Variants in TGFB2 observed in about 807,000 individuals in gnomAD.
The protein encoded by TGFB2 is transforming growth factor beta 2.
In TGFB2, 13 loss-of-function variants were observed where a neutral mutation model predicts 42.7. The ratio of observed to expected loss-of-function variants is 0.30; its 90% CI spans 0.20 to 0.48. TGFB2 has a LOEUF of 0.48. TGFB2 is among the 20% of genes least tolerant of loss of function. The pLI, the probability that TGFB2 is intolerant of heterozygous loss-of-function variation, is 0.99. For missense variants in TGFB2, 390 were observed against 517.5 expected (o/e 0.75, Z 2.39); for synonymous variants, 193 against 193.6 (o/e 1.00, Z 0.03).
At chr1:218,375,023 C>A (rs1657694036) in intron 1 of TGFB2, among the ~76,000 whole-genome samples, 1 of 152,128 alleles carries the variant, frequency 6.6e-6, no homozygotes, top group South Asian at 2.1e-4. Flanking sequence ...AGCCTTTAAA[C>A]AGTTCAAAAA....
chr1:218,417,028 G>A (rs1053562646), intron 2 of TGFB2, among the ~76,000 whole-genome samples: 5 of 152,144 alleles, frequency 3.3e-5, no homozygotes, highest in South Asian at 2.1e-4. Flanking sequence ...GCAGCAGTGC[G>A]AAAATGGACT....
chr1:218,355,190 G>C (rs1656994207), intron 1 of TGFB2, among the ~76,000 whole-genome samples: 1 of 152,124 alleles, frequency 6.6e-6, no homozygotes, highest in Non-Finnish European at 1.5e-5. Context: ...CCGAGCCACC[G>C]TGCCCAGCCT....
chr1:218,386,354 T>C (rs920578421), intron 1 of TGFB2, among the ~76,000 whole-genome samples: 2 of 152,232 alleles, frequency 1.3e-5, no homozygotes, highest in South Asian at 2.1e-4. Context: ...ATCAATAAGA[T>C]AGCATTTATA....
At position 218,434,073 on chromosome 1, in the gene TGFB2, C is replaced by T. The variant is rs1309139149; in HGVS notation, c.511-9C>T. 1 of 1,611,624 alleles carries T rather than the reference C, an allele frequency of 6.2e-7. No individual in the cohort carries two copies. The highest frequency in any genetic ancestry group is 8.5e-7 in the Non-Finnish European group (1 of 1,178,528). On this transcript the variant is annotated splice_polypyrimidine_tract_variant and intron_variant, in intron 2 of 6. Coordinates refer to ENST00000366930, the MANE Select transcript of TGFB2 (RefSeq NM_003238.6). ...CTCAGCCTTTTCTCTTGCTCTTTTT[C>T]CCCTCCAGATTCTCAAGTCCAAAGA...
At chr1:218,417,668 C>T (rs1659325677) in intron 2 of TGFB2, among the ~76,000 whole-genome samples, 1 of 152,214 alleles carries the variant, frequency 6.6e-6, no homozygotes, top group African/African-American at 2.4e-5. Context: ...CAGCCCCTCC[C>T]ATCATAGGCC....
intron 1 of TGFB2, among the ~76,000 whole-genome samples, chr1:218,393,790 C>T (rs1033211864): frequency 1.3e-5 from 2 of 152,096 alleles, no homozygotes; most frequent in African/African-American, 2.4e-5. Flanking sequence ...CCACCTGCCC[C>T]GATGAGGCCA....
intron 5 of TGFB2, 130 bp downstream of exon 5, chr1:218,436,277 C>A (rs550795031): frequency 3.6e-6 from 3 of 833,120 alleles, no homozygotes; most frequent in Non-Finnish European, 5.5e-6. Flanking sequence ...AGTACAGCTC[C>A]TGTGTCTCAT....
chr1:218,390,172 G>A (rs573460044), intron 1 of TGFB2, among the ~76,000 whole-genome samples: 2 of 147,466 alleles, frequency 1.4e-5, no homozygotes, highest in Non-Finnish European at 3.0e-5. Flanking sequence ...CTAACTAAAA[G>A]CATTTGTCGT....
chr1:218,403,740 T>C (rs1320994610), intron 1 of TGFB2, among the ~76,000 whole-genome samples: 1 of 152,052 alleles, frequency 6.6e-6, no homozygotes, highest in East Asian at 1.9e-4. Context: ...ACAAACATAA[T>C]GCAGAAGTAA....
At chr1:218,438,541 A>G (rs1660045628) in intron 6 of TGFB2, among the ~76,000 whole-genome samples, 1 of 152,196 alleles carries the variant, frequency 6.6e-6, no homozygotes. Flanking sequence ...AGTACAAAAG[A>G]TGATATACAT....
At chr1:218,392,303 A>C (rs1658341649) in intron 1 of TGFB2, among the ~76,000 whole-genome samples, 2 of 152,210 alleles carry the variant, frequency 1.3e-5, no homozygotes, top group African/African-American at 4.8e-5. Flanking sequence ...CAGTGAGCCG[A>C]GATCATGCCA....
chr1:218,431,989 A>G (rs775640893), intron 2 of TGFB2, among the ~76,000 whole-genome samples: 2 of 152,186 alleles, frequency 1.3e-5, no homozygotes, highest in African/African-American at 2.4e-5. Context: ...CCACTATCTT[A>G]TATTTTCATC....
chr1:218,437,596 C>A, intron 6 of TGFB2, 100 bp downstream of exon 6: 1 of 1,288,582 alleles, frequency 7.8e-7, no homozygotes. Flanking sequence ...TGCTGTCTTA[C>A]CATCACACAT....
At chr1:218,381,680 A>C (rs944946765) in intron 1 of TGFB2, among the ~76,000 whole-genome samples, 2 of 152,184 alleles carry the variant, frequency 1.3e-5, no homozygotes, top group Admixed American at 1.3e-4. Context: ...TCACAAATAA[A>C]ACAAAACTCT....
At chr1:218,348,565 TTTA>T (rs1656768224) in intron 1 of TGFB2, among the ~76,000 whole-genome samples, 1 of 152,220 alleles carries the variant, frequency 6.6e-6, no homozygotes, top group African/African-American at 2.4e-5. Context: ...GCAGGATGAT[TTTA>T]TTATTGTAAT....
At chr1:218,385,115 T>A (rs1250835254) in intron 1 of TGFB2, among the ~76,000 whole-genome samples, 1 of 149,756 alleles carries the variant, frequency 6.7e-6, no homozygotes, top group Non-Finnish European at 1.5e-5. Context: ...TTTTTCCCCC[T>A]CTCTTACTGG....
At chr1:218,349,378 A>G (rs1656796952) in intron 1 of TGFB2, among the ~76,000 whole-genome samples, 1 of 152,270 alleles carries the variant, frequency 6.6e-6, no homozygotes, top group Non-Finnish European at 1.5e-5. Context: ...ATTTTTAAAA[A>G]GCAAATTGAA....
intron 1 of TGFB2, among the ~76,000 whole-genome samples, chr1:218,372,073 A>G (rs758596141): frequency 6.6e-6 from 1 of 152,046 alleles, no homozygotes; most frequent in South Asian, 2.1e-4. Flanking sequence ...TTGCAAGTTC[A>G]TAAATAATTA....
intron 1 of TGFB2, among the ~76,000 whole-genome samples, chr1:218,400,101 A>C (rs1658663918): frequency 6.6e-6 from 1 of 152,110 alleles, no homozygotes; most frequent in Non-Finnish European, 1.5e-5. Context: ...TAGAATTCAG[A>C]TAGCCTTGAA....
Sources: allele counts gnomAD v4.1 joint callset (sites outside exome capture counted in the v4.1 genomes callset), GRCh38; gene constraint gnomAD v4.1.1; transcripts MANE v1.5; gene names NCBI Gene and HGNC (gene_info 2026-07-23, HGNC 2026-07-21).